NUBPL: variants seen among roughly 807,000 people sequenced by gnomAD.
The protein encoded by NUBPL is NUBP iron-sulfur cluster assembly factor, mitochondrial.
In NUBPL, 31 loss-of-function variants were observed where a neutral mutation model predicts 45.7. The ratio of observed to expected loss-of-function variants is 0.68; its 90% CI spans 0.51 to 0.92. The LOEUF (loss-of-function observed/expected upper bound fraction) is 0.92, where lower values mean the gene tolerates loss of function less well. Among genes scored for constraint, NUBPL ranks in the 40% least tolerant of loss-of-function variants. The probability of loss-of-function intolerance (pLI) is 0.00; values close to 1 mark genes in which losing one functional copy is unlikely to be tolerated. For synonymous variants in NUBPL, 144 were observed against 140.9 expected (o/e 1.02, Z -0.15); for missense variants, 401 against 398.7 (o/e 1.01, Z -0.05).
chr14:31,609,898 C>A (rs529565968), intron 4 of NUBPL, among the ~76,000 whole-genome samples: 1 of 152,016 alleles, frequency 6.6e-6, no homozygotes, highest in African/African-American at 2.4e-5. Flanking sequence ...ACATACCAAA[C>A]CCTGTGGGAT....
At chr14:31,824,451 G>A (rs1368486349) in intron 7 of NUBPL, among the ~76,000 whole-genome samples, 1 of 152,032 alleles carries the variant, frequency 6.6e-6, no homozygotes, top group Non-Finnish European at 1.5e-5. Flanking sequence ...TAAGTTTATA[G>A]CTCATATTGT....
chr14:31,671,904 A>G (rs1365388375), intron 4 of NUBPL, among the ~76,000 whole-genome samples: 2 of 152,158 alleles, frequency 1.3e-5, no homozygotes, highest in African/African-American at 2.4e-5. Flanking sequence ...TGAAGAACAT[A>G]TCTTGAAATC....
chr14:31,661,367 C>G (rs1203882773), intron 4 of NUBPL, among the ~76,000 whole-genome samples: 1 of 152,070 alleles, frequency 6.6e-6, no homozygotes, highest in Non-Finnish European at 1.5e-5. Context: ...CTTGTTAGTA[C>G]GTTGTAAGTT....
intron 6 of NUBPL, among the ~76,000 whole-genome samples, chr14:31,722,853 A>G (rs932866123): frequency 6.6e-6 from 1 of 151,966 alleles, no homozygotes; most frequent in Non-Finnish European, 1.5e-5. Flanking sequence ...TCACATGCAG[A>G]GTTTGTGAAT....
chr14:31,744,593 A>G (rs1289714634), intron 6 of NUBPL, among the ~76,000 whole-genome samples: 1 of 151,042 alleles, frequency 6.6e-6, no homozygotes. Flanking sequence ...TAATGTATAC[A>G]TTATATTGAA....
At chr14:31,846,152 ACCT>A (rs1486718687) in intron 8 of NUBPL, 1 of 339,416 alleles carries the variant, frequency 2.9e-6, no homozygotes, top group Non-Finnish European at 5.6e-6. Context: ...TGTGGGCCTC[ACCT>A]CCTCATCACC....
chr14:31,636,433 G>A (rs943214142), intron 4 of NUBPL, among the ~76,000 whole-genome samples: 1 of 152,194 alleles, frequency 6.6e-6, no homozygotes, highest in Non-Finnish European at 1.5e-5. Context: ...GCATCGCAGG[G>A]ATGAAGCCCA....
rs542372307 is a variant in NUBPL, at chr14:31,856,875, G to A, written c.898-2243G>A. ...GGCTGCCTTCATGGTTTGGCGTTGA[G>A]TTTCTGCAGCTTTTTCAGGCACACT... On this transcript the variant is annotated intron_variant, in intron 10 of 10. Transcript: ENST00000281081. Among the ~76,000 whole-genome samples, 5 of 152,296 alleles carry A rather than the reference G, an allele frequency of 3.3e-5. No homozygotes were observed. The East Asian group carries it at 9.7e-4, about 29-fold the overall frequency.
At chr14:31,802,501 C>A (rs1296737623) in intron 7 of NUBPL, among the ~76,000 whole-genome samples, 3 of 152,088 alleles carry the variant, frequency 2.0e-5, no homozygotes, top group Admixed American at 6.5e-5. Flanking sequence ...TGGTCTTGAT[C>A]TCCTGACCTC....
At chr14:31,739,222 A>C (rs768873772) in intron 6 of NUBPL, among the ~76,000 whole-genome samples, 39,731 of 142,164 alleles carry the variant, frequency 0.28, 6,404 homozygotes, top group South Asian at 0.41. Flanking sequence ...ATTATATTAT[A>C]TATATATATA....
chr14:31,819,316 A>G (rs2039976659), intron 7 of NUBPL, among the ~76,000 whole-genome samples: 1 of 152,222 alleles, frequency 6.6e-6, no homozygotes, highest in Non-Finnish European at 1.5e-5. Context: ...AAATATTAAG[A>G]GCAGTGTGAA....
intron 6 of NUBPL, among the ~76,000 whole-genome samples, chr14:31,734,345 T>A (rs2038118615): frequency 6.6e-6 from 1 of 152,186 alleles, no homozygotes; most frequent in South Asian, 2.1e-4. Context: ...TGAAAGAAAG[T>A]GTCGAATTAG....
At chr14:31,724,623 G>A (rs2037879978) in intron 6 of NUBPL, among the ~76,000 whole-genome samples, 2 of 152,100 alleles carry the variant, frequency 1.3e-5, no homozygotes, top group African/African-American at 4.8e-5. Flanking sequence ...CAAGAATTTT[G>A]CTCTGCTTTT....
intron 4 of NUBPL, among the ~76,000 whole-genome samples, chr14:31,652,431 A>G (rs2036031963): frequency 6.6e-6 from 1 of 152,152 alleles, no homozygotes; most frequent in African/African-American, 2.4e-5. Flanking sequence ...AATTGCTAAG[A>G]GAGTACATTT....
intron 6 of NUBPL, among the ~76,000 whole-genome samples, chr14:31,723,489 G>A (rs1372888198): frequency 1.3e-5 from 2 of 152,150 alleles, no homozygotes; most frequent in African/African-American, 4.8e-5. Flanking sequence ...AATGTAATTG[G>A]TAGTTTGATA....
intron 7 of NUBPL, among the ~76,000 whole-genome samples, chr14:31,812,515 T>A (rs1484971002): frequency 1.3e-5 from 2 of 152,198 alleles, no homozygotes; most frequent in African/African-American, 4.8e-5. Flanking sequence ...GGTGGCAGTG[T>A]CCTGATTTTC....
intron 6 of NUBPL, among the ~76,000 whole-genome samples, chr14:31,751,713 C>T (rs1302773534): frequency 1.3e-5 from 2 of 152,200 alleles, no homozygotes; most frequent in African/African-American, 4.8e-5. Context: ...AATAGTGGCC[C>T]TCTTCTCCCA....
chr14:31,623,095 T>G (rs1394119462), intron 4 of NUBPL, among the ~76,000 whole-genome samples: 1 of 152,232 alleles, frequency 6.6e-6, no homozygotes, highest in Non-Finnish European at 1.5e-5. Context: ...ATGTCCTGGA[T>G]GTGAAACATG....
chr14:31,642,892 T>G (rs1403318208), intron 4 of NUBPL, among the ~76,000 whole-genome samples: 4 of 152,154 alleles, frequency 2.6e-5, no homozygotes, highest in Non-Finnish European at 4.4e-5. Context: ...AATTGATTTC[T>G]AAGTATTTTA....
Sources: gnomAD v4.1 joint callset for allele counts (sites outside exome capture counted in the v4.1 genomes callset) on GRCh38, gnomAD v4.1.1 for gene constraint, MANE v1.5 for transcripts, NCBI Gene and HGNC (gene_info 2026-07-23, HGNC 2026-07-21) for gene names.